Variants in HHAT observed in about 807,000 individuals in gnomAD.
The protein encoded by HHAT is protein-cysteine N-palmitoyltransferase HHAT.
Under a neutral mutation model 70.8 loss-of-function variants are expected in HHAT, and 47 were observed. The observed-to-expected ratio is 0.66, with a 90% CI of 0.53 to 0.85. The LOEUF is 0.85. HHAT is among the 40% of genes least tolerant of loss of function. HHAT has a pLI of 0.00. For missense variants in HHAT, 609 were observed against 604.8 expected (o/e 1.01, Z -0.07); for synonymous variants, 228 against 247.6 (o/e 0.92, Z 0.74).
At chr1:210,576,832 GGT>G (rs1410683087) in intron 9 of HHAT, among the ~76,000 whole-genome samples, 2 of 151,954 alleles carry the variant, frequency 1.3e-5, no homozygotes, top group Non-Finnish European at 2.9e-5. Context: ...TCCATTTTTT[GGT>G]GTGTTTACTT....
rs758730500 is a variant in HHAT, at chr1:210,377,350, T to C, written c.160-10118T>C. ...TTTTTTCCATATGCTGTGTAGAAAA[T>C]AGTGTTTTTCCAATTTGAGAGATGT... On this transcript the variant is annotated intron_variant, in intron 3 of 11. Coordinates refer to ENST00000261458, the MANE Select transcript of HHAT (RefSeq NM_018194.6). 3.6e-4 allele frequency among the ~76,000 whole-genome samples: 55 copies of C among 152,192 alleles called. 1 individual carries two copies. The highest frequency in any genetic ancestry group is 2.0e-4 in the Admixed American group (3 of 15,278).
chr1:210,574,165 G>A (rs1378132355), intron 9 of HHAT, among the ~76,000 whole-genome samples: 1 of 152,226 alleles, frequency 6.6e-6, no homozygotes, highest in East Asian at 1.9e-4. Flanking sequence ...TGAGATGAAT[G>A]CATGAATCTT....
intron 8 of HHAT, among the ~76,000 whole-genome samples, chr1:210,497,281 G>A (rs2148532278): frequency 6.6e-6 from 1 of 152,244 alleles, no homozygotes; most frequent in East Asian, 1.9e-4. Flanking sequence ...ATCTGTTTTA[G>A]CTCTCCTAGC....
At chr1:210,374,164 A>C (rs1337116358) in intron 3 of HHAT, 3 of 152,220 alleles carry the variant, frequency 2.0e-5, no homozygotes, top group Non-Finnish European at 4.4e-5. Flanking sequence ...CTGCCTCCCC[A>C]GGGCAAGGCT....
chr1:210,497,582 A>G (rs1435561134), intron 8 of HHAT, among the ~76,000 whole-genome samples: 2 of 152,036 alleles, frequency 1.3e-5, no homozygotes, highest in East Asian at 3.9e-4. Flanking sequence ...TCACACTCCT[A>G]CTACTTGTCA....
intron 8 of HHAT, among the ~76,000 whole-genome samples, chr1:210,487,688 C>G (rs2094493998): frequency 1.3e-5 from 2 of 152,270 alleles, no homozygotes; most frequent in Middle Eastern, 3.4e-3. Context: ...AACTGAGAAC[C>G]AGCCAACATA....
intron 8 of HHAT, among the ~76,000 whole-genome samples, chr1:210,471,308 A>G (rs575319014): frequency 6.6e-6 from 1 of 152,224 alleles, no homozygotes; most frequent in Non-Finnish European, 1.5e-5. Context: ...AATTTATTTG[A>G]GAATGGCTTT....
intron 11 of HHAT, among the ~76,000 whole-genome samples, chr1:210,628,908 G>T (rs1670346423): frequency 6.6e-6 from 1 of 152,178 alleles, no homozygotes; most frequent in Non-Finnish European, 1.5e-5. Context: ...AAAGAGGACG[G>T]AGGGCAGGTG....
At chr1:210,619,627 C>T (rs532833452) in intron 10 of HHAT, among the ~76,000 whole-genome samples, 10 of 152,230 alleles carry the variant, frequency 6.6e-5, no homozygotes, top group East Asian at 1.9e-4. Flanking sequence ...AGGACGGCTC[C>T]GTCCTGCACA....
chr1:210,376,495 G>A (rs1404961974), intron 3 of HHAT, among the ~76,000 whole-genome samples: 1 of 152,172 alleles, frequency 6.6e-6, no homozygotes, highest in East Asian at 1.9e-4. Flanking sequence ...TAAGTCTTAG[G>A]CATCATAAAT....
intron 10 of HHAT, among the ~76,000 whole-genome samples, chr1:210,612,136 G>A (rs1187505363): frequency 2.0e-5 from 3 of 152,024 alleles, no homozygotes; most frequent in Non-Finnish European, 4.4e-5. Context: ...GTATCTATTG[G>A]TAAAGGCCTG....
At chr1:210,612,403 A>G (rs929066201) in intron 10 of HHAT, among the ~76,000 whole-genome samples, 7 of 152,030 alleles carry the variant, frequency 4.6e-5, no homozygotes, top group African/African-American at 7.2e-5. Context: ...CAACCATACA[A>G]TGTTTGTCCC....
At chr1:210,485,850 A>G (rs1572768092) in intron 8 of HHAT, among the ~76,000 whole-genome samples, 2 of 152,264 alleles carry the variant, frequency 1.3e-5, no homozygotes, top group South Asian at 4.2e-4. Flanking sequence ...TTATGGGAGT[A>G]CTGAGATTTG....
At position 210,614,315 on chromosome 1, in the gene HHAT, T is replaced by G. The variant is rs1447890811; in HGVS notation, c.1246-9211T>G. The stretch of plus-strand genomic sequence containing the variant: ...TTTGTTTAAATTTTTGGTAGAATTT[T>G]TAGGGTTTTGTACATGTAATCTGTG... On this transcript the variant is annotated intron_variant, in intron 10 of 11. Transcript: ENST00000261458. 2.0e-5 allele frequency among the ~76,000 whole-genome samples: 3 copies of G among 152,166 alleles called. 1 individual carries two copies. Among genetic ancestry groups the G allele is most frequent in the African/African-American group, 4.8e-5 (2 of 41,452 alleles).
rs143696379 is a variant in HHAT, at chr1:210,378,044, T to C, written c.160-9424T>C. On this transcript the variant is annotated intron_variant, in intron 3 of 11. Transcript: ENST00000261458. ...GTAAAATGATTTAGTTCAAATTCTT[T>C]TAGAAATAGAAAAGCAGCTGTTGAA... Among the ~76,000 whole-genome samples the C allele has an allele frequency of 6.4e-4, 98 of 152,356 alleles. 1 individual carries two copies. Among genetic ancestry groups the C allele is most frequent in the African/African-American group, 2.2e-3 (90 of 41,580 alleles).
At chr1:210,408,275 T>C (rs2092409231) in intron 6 of HHAT, among the ~76,000 whole-genome samples, 1 of 152,128 alleles carries the variant, frequency 6.6e-6, no homozygotes, top group Admixed American at 6.5e-5. Context: ...CTCCACCTCC[T>C]GGTATCAAGT....
In HHAT at chr1:210,365,257, T is replaced by A. The variant is rs147462626; in HGVS notation, c.159+2338T>A. On this transcript the variant is annotated intron_variant, in intron 3 of 11. Transcript: ENST00000261458. ...AAAGCTTAGTTTTCTGACCAGCCCATCCCTTGAATGTTAGTCTGCAGCTGG... is the reference window on the plus strand; with the variant it reads ...AAAGCTTAGTTTTCTGACCAGCCCAACCCTTGAATGTTAGTCTGCAGCTGG... 1.8e-3 allele frequency among the ~76,000 whole-genome samples: 278 copies of A among 150,656 alleles called. 1 individual carries two copies. The highest frequency in any genetic ancestry group is 6.5e-3 in the African/African-American group (268 of 41,056).
In HHAT at chr1:210,438,217, T is replaced by C. The variant is rs2093425124; in HGVS notation, c.856+19892T>C. Among the ~76,000 whole-genome samples the C allele has an allele frequency of 4.0e-5, 6 of 151,844 alleles. No individual in the cohort carries two copies. In the South Asian group the frequency reaches 1.2e-3, roughly 31 times the overall value. ...GTGTATACACATGTGTATGTATCCA[T>C]TGATAATGGAATGCTTCCTGATATT... On this transcript the variant is annotated intron_variant, in intron 7 of 11. Transcript: ENST00000261458.
intron 3 of HHAT, among the ~76,000 whole-genome samples, chr1:210,385,252 C>CTTTTTTTTTTTTTT (rs55887436): frequency 2.2e-5 from 3 of 138,910 alleles, no homozygotes; most frequent in African/African-American, 2.7e-5. Context: ...ATATGTTTTT[C>CTTTTTTTTTTTTTT]TTTTTTTTTT....
Sources: allele counts gnomAD v4.1 joint callset (sites outside exome capture counted in the v4.1 genomes callset), GRCh38; gene constraint gnomAD v4.1.1; transcripts MANE v1.5; gene names NCBI Gene and HGNC (gene_info 2026-07-23, HGNC 2026-07-21).